The following GMNC variants were observed in gnomAD, a reference collection of about 807,000 sequenced individuals.
The protein encoded by GMNC is geminin coiled-coil domain containing.
In GMNC, 16 loss-of-function variants were observed where a neutral mutation model predicts 33.6. The observed-to-expected ratio is 0.48, with a 90% confidence interval of 0.32 to 0.72. The LOEUF (loss-of-function observed/expected upper bound fraction) is 0.72, where lower values mean the gene tolerates loss of function less well. Ranked by LOEUF, GMNC falls within the 30% of genes least tolerant of loss-of-function variation. The pLI, the probability that GMNC is intolerant of heterozygous loss-of-function variation, is 0.03. For synonymous variants in GMNC, 156 were observed against 147.3 expected (o/e 1.06, Z -0.43); for missense variants, 393 against 388.9 (o/e 1.01, Z -0.09).
intron 2 of GMNC, 61 bp downstream of exon 2, chr3:190,860,623 G>T: frequency 7.1e-7 from 1 of 1,411,376 alleles, no homozygotes; most frequent in South Asian, 1.4e-5. Flanking sequence ...ATGATGCTCC[G>T]CAGCCACGGG....
downstream of GMNC, among the ~76,000 whole-genome samples, chr3:190,851,235 T>C (rs982006169): frequency 2.0e-5 from 3 of 152,260 alleles, no homozygotes; most frequent in Non-Finnish European, 2.9e-5. Flanking sequence ...CTGGAACATT[T>C]AACTGAGGCT....
chr3:190,845,801 C>T, the GMNC span, among the ~76,000 whole-genome samples: 1 of 152,090 alleles, frequency 6.6e-6, no homozygotes, highest in Non-Finnish European at 1.5e-5. Flanking sequence ...GCCACCGCGC[C>T]GGGCCTCAAA....
chr3:190,848,245 T>C (rs1288593089), downstream of GMNC, among the ~76,000 whole-genome samples: 1 of 152,226 alleles, frequency 6.6e-6, no homozygotes, highest in Non-Finnish European at 1.5e-5. Flanking sequence ...TGTTTCATTG[T>C]ACAGAAGCGT....
At chr3:190,851,330 A>T (rs565978150), downstream of GMNC, among the ~76,000 whole-genome samples, 1 of 152,318 alleles carries the variant, frequency 6.6e-6, no homozygotes, top group Admixed American at 6.5e-5. Flanking sequence ...ACCTTATCCC[A>T]TGTTGGTTTC....
In GMNC at chr3:190,861,125, T is replaced by C. The variant is rs1471880907; in HGVS notation, c.4-267A>G. On this transcript the variant is annotated intron_variant, in intron 1 of 4. Transcript: ENST00000442080. The surrounding 1 kb of genome is among the most constrained non-coding windows in gnomAD (Gnocchi z 5.1). ...AGACTAGCATTGAATGGGTGAAATT[T>C]GTACATATCCAGGAGGATTGTCTGT... is the stretch of plus-strand genomic sequence containing the variant. 2.6e-5 allele frequency among the ~76,000 whole-genome samples: 4 copies of C among 152,192 alleles called. No individual in the cohort carries two copies. The highest frequency in any genetic ancestry group is 5.9e-5 in the Non-Finnish European group (4 of 68,038).
chr3:190,844,383 AT>A, the GMNC span, among the ~76,000 whole-genome samples: 2 of 151,816 alleles, frequency 1.3e-5, no homozygotes, highest in Non-Finnish European at 2.9e-5. Flanking sequence ...ATATATACAC[AT>A]TTTAAAATTA....
intron 2 of GMNC, 149 bp downstream of exon 2, chr3:190,860,535 C>A (rs1737837278): frequency 6.3e-6 from 4 of 636,368 alleles, no homozygotes; most frequent in Non-Finnish European, 1.1e-5. Flanking sequence ...AAGCAGCAGG[C>A]TTTATGACTG....
rs1183765451 is a variant in GMNC at position 190,862,589 on chromosome 3, A to C, written c.3+24T>G. The C allele has an allele frequency of 3.9e-6, 6 of 1,535,024 alleles. No homozygotes were observed. In the African/African-American group the frequency reaches 8.3e-5, roughly 21 times the overall value. On this transcript the variant is annotated intron_variant, in intron 1 of 4. Transcript: ENST00000442080. This position sits in a 1 kb window ranked among gnomAD's most constrained non-coding sequence, Gnocchi z 4.5. ...AGAGACCCAAGTTTGCCAGCGGACT[A>C]GCTAACGCCAGTTCCTCACTTACCA...
intron 4 of GMNC, among the ~76,000 whole-genome samples, chr3:190,856,355 A>C (rs1429314991): frequency 7.2e-6 from 1 of 139,860 alleles, no homozygotes; most frequent in Non-Finnish European, 1.5e-5. Flanking sequence ...TTATTAATAT[A>C]TATTTATAAA....
At chr3:190,858,100 T>G (rs1447748068) in intron 3 of GMNC, 8 of 561,730 alleles carry the variant, frequency 1.4e-5, no homozygotes, top group Non-Finnish European at 2.2e-5. Context: ...GCTCTGAATG[T>G]TCATTCATTG....
rs1737713400 is a variant in GMNC, at chr3:190,855,539, T to C, written c.761A>G (p.His254Arg). 6.4e-7 allele frequency: 1 copy of C among 1,551,708 alleles called. No individual in the cohort carries two copies. The highest frequency in any genetic ancestry group is 2.4e-5 in the East Asian group (1 of 40,928). Reference sequence around the variant, plus strand: ...ATCTTCTCCATGAGTGGCAGTGCTGTGCAAGGGGGTTGTTCTGTCACCTCT... The same window carrying C: ...ATCTTCTCCATGAGTGGCAGTGCTGCGCAAGGGGGTTGTTCTGTCACCTCT... Reference protein sequence around the residue: ...DYRGDRTTPLHSTATHGEDFH... With the variant: ...DYRGDRTTPLRSTATHGEDFH... The change falls in exon 5 of 5, where the codon CAC becomes CGC. Residue 254 changes from histidine to arginine, a missense_variant. Transcript: ENST00000442080.
the GMNC span, among the ~76,000 whole-genome samples, chr3:190,843,411 C>T: frequency 6.6e-6 from 1 of 152,006 alleles, no homozygotes; most frequent in Non-Finnish European, 1.5e-5. Context: ...TTGTAGAACT[C>T]GACCATAAAC....
intron 2 of GMNC, 43 bp from the exon 3 acceptor site, chr3:190,859,059 T>A: frequency 8.3e-7 from 1 of 1,205,236 alleles, no homozygotes; most frequent in Non-Finnish European, 1.2e-6. Flanking sequence ...AATCTTGTAG[T>A]TTCTGTGTAA....
chr3:190,845,906 C>CAT, the GMNC span, among the ~76,000 whole-genome samples: 79 of 152,092 alleles, frequency 5.2e-4, no homozygotes, highest in South Asian at 1.0e-3. Flanking sequence ...CCACATTATA[C>CAT]ATATATATAT....
chr3:190,860,588 G>T, intron 2 of GMNC, 96 bp downstream of exon 2: 1 of 1,033,522 alleles, frequency 9.7e-7, no homozygotes, highest in Non-Finnish European at 1.4e-6. Flanking sequence ...TTTCCATATC[G>T]TCCCTTATTC....
At position 190,853,291 on chromosome 3, in the gene GMNC, G is replaced by A. The variant is rs1434428747; in HGVS notation, c.*2004C>T. 2 of 151,990 alleles carry A rather than the reference G, an allele frequency of 1.3e-5. No individual in the cohort carries two copies. Among genetic ancestry groups the A allele is most frequent in the Non-Finnish European group, 2.9e-5 (2 of 67,952 alleles). The allele number at this position is 151,990 out of a possible 1,614,324, so 9.4% of individuals were successfully genotyped here. A position where few individuals can be genotyped will look rare whatever the true frequency, so the allele number is the denominator to read the frequency against. On this transcript the variant is annotated 3_prime_UTR_variant, in exon 5 of 5. Transcript: ENST00000442080. The stretch of plus-strand genomic sequence containing the variant: ...TTATATTACTTTCTCAATTCCTAGT[G>A]TCATAAAGTACAATAATTCGAATCC...
chr3:190,855,293 C>A lies in GMNC; in HGVS notation c.*2G>T. The A allele has an allele frequency of 6.4e-7, 1 of 1,550,764 alleles. No homozygotes were observed. The highest frequency in any genetic ancestry group is 1.2e-5 in the South Asian group (1 of 83,996). The stretch of plus-strand genomic sequence containing the variant: ...CAGTGCTTTGTGATAAAAGAGGGGT[C>A]ACTAAGACTGCTTAGGGACCCAGGT... On this transcript the variant is annotated 3_prime_UTR_variant, in exon 5 of 5. Coordinates refer to ENST00000442080, the MANE Select transcript of GMNC (RefSeq NM_001146686.3).
chr3:190,849,880 ATTAC>A (rs1737607606), downstream of GMNC, among the ~76,000 whole-genome samples: 1 of 152,238 alleles, frequency 6.6e-6, no homozygotes, highest in South Asian at 2.1e-4. Flanking sequence ...GAGTAATGCT[ATTAC>A]TTAAACAGGT....
At position 190,862,483 on chromosome 3, in the gene GMNC, G is replaced by T; in HGVS notation, c.3+130C>A. The T allele has an allele frequency of 2.7e-6, 2 of 737,358 alleles. No homozygotes were observed. The highest frequency in any genetic ancestry group is 4.0e-5 in the Admixed American group (2 of 49,866). 45.7% of individuals were successfully genotyped at this position (737,358 alleles called of 1,614,324 possible). A position where few individuals can be genotyped will look rare whatever the true frequency, so the allele number is the denominator to read the frequency against. On this transcript the variant is annotated intron_variant, in intron 1 of 4. Coordinates refer to ENST00000442080, the MANE Select transcript of GMNC (RefSeq NM_001146686.3). The surrounding 1 kb of genome is among the most constrained non-coding windows in gnomAD (Gnocchi z 4.5). ...AAAAGAGACACAGGGCAGCAGAGAG[G>T]ATCTGTTTTAACTGGCGGGTAGCGG...
Sources: allele counts gnomAD v4.1 joint callset (sites outside exome capture counted in the v4.1 genomes callset), GRCh38; gene constraint gnomAD v4.1.1; non-coding constraint Gnocchi (gnomAD v3.1); transcripts MANE v1.5; gene names NCBI Gene and HGNC (gene_info 2026-07-23, HGNC 2026-07-21).